XIRP2: variants seen among roughly 807,000 people sequenced by gnomAD.
The protein encoded by XIRP2 is xin actin-binding repeat-containing protein 2.
Under a neutral mutation model 277.0 loss-of-function variants are expected in XIRP2, and 236 were observed. The ratio of observed to expected loss-of-function variants is 0.85; its 90% CI spans 0.77 to 0.95. XIRP2 has a LOEUF of 0.95. XIRP2 is among the 40% of genes least tolerant of loss of function. XIRP2 has a pLI of 0.00. For missense variants in XIRP2, 4,640 were observed against 4,157.5 expected, an observed-to-expected ratio of 1.12 and a Z score of -3.19; for synonymous variants, 1,490 against 1,416.5, an observed-to-expected ratio of 1.05 and a Z score of -1.17.
chr2:167,240,062 A>C, intron 6 of XIRP2, 97 bp downstream of exon 6: 1 of 1,035,202 alleles, frequency 9.7e-7, no homozygotes, highest in Non-Finnish European at 1.4e-6. Context: ...TCACTCATGT[A>C]TCTAGTATCA....
chr2:167,250,813 C>T lies in XIRP2; in HGVS notation c.9421C>T (p.Leu3141Phe). ...AACAGAAAACCCTACTAAGAACGAG[C>T]TTTCTCAGTCCCCTAAAAAGGACAG... is the stretch of plus-strand genomic sequence containing the variant. ...RRTENPTKNE[L>F]SQSPKKDSYV... Residue 3141 changes from leucine (L) to phenylalanine (F), a missense_variant, in exon 9 of 11, where the codon CTT becomes TTT. Physicochemically the swap from Leu to Phe is conservative, Grantham distance 22. Coordinates refer to ENST00000409195, the MANE Select transcript of XIRP2 (RefSeq NM_152381.6). 1.9e-6 allele frequency: 3 copies of T among 1,613,468 alleles called. No individual in the cohort carries two copies. Among genetic ancestry groups the T allele is most frequent in the Non-Finnish European group, 2.5e-6 (3 of 1,179,718 alleles).
chr2:166,957,323 T>A (rs980319510), intron 2 of XIRP2, among the ~76,000 whole-genome samples: 1 of 151,830 alleles, frequency 6.6e-6, no homozygotes, highest in East Asian at 1.9e-4. Flanking sequence ...CTTTTCTGAT[T>A]AAAATAATTT....
chr2:167,166,845 A>G (rs1692536946), intron 3 of XIRP2, among the ~76,000 whole-genome samples: 1 of 152,150 alleles, frequency 6.6e-6, no homozygotes, highest in African/African-American at 2.4e-5. Context: ...GGAGGGACAA[A>G]CATCCAAATT....
At chr2:167,092,905 A>T (rs1321388766) in intron 2 of XIRP2, among the ~76,000 whole-genome samples, 1 of 152,154 alleles carries the variant, frequency 6.6e-6, no homozygotes, top group Non-Finnish European at 1.5e-5. Context: ...CTGCAGGAAC[A>T]AATTATGTCA....
rs768703097 is a variant in XIRP2 at position 167,136,070 on chromosome 2, T to A, written c.562+8T>A. The A allele has an allele frequency of 5.9e-5, 94 of 1,589,824 alleles. No individual in the cohort carries two copies. Among genetic ancestry groups the A allele is most frequent in the Non-Finnish European group, 8.0e-5 (94 of 1,170,598 alleles). ...ACAGCCGCATCTTTGAAGGTTAGCA[T>A]AACATTTTGATATGCTTTCTTGACA... On this transcript the variant is annotated splice_region_variant and intron_variant, in intron 3 of 10. Coordinates refer to ENST00000409195, the MANE Select transcript of XIRP2 (RefSeq NM_152381.6).
In XIRP2 at chr2:167,242,920, A is replaced by G; in HGVS notation, c.1528A>G (p.Arg510Gly). The change falls in exon 9 of 11, where the codon AGA (arginine) becomes GGA (glycine). Residue 510 changes from arginine to glycine, a missense_variant. Arg to Gly is a moderately radical substitution (Grantham distance 125). Transcript: ENST00000409195. ...ATATAAACACATCCATCCTGAGTTAAGAAAAAACTTAGAAAAAGATTATAT... is the reference window on the plus strand; with the variant it reads ...ATATAAACACATCCATCCTGAGTTAGGAAAAAACTTAGAAAAAGATTATAT... ...RLYKHIHPEL[R>G]KNLEKDYISE... 6.2e-7 allele frequency: 1 copy of G among 1,613,618 alleles called. No homozygotes were observed.
intron 2 of XIRP2, among the ~76,000 whole-genome samples, chr2:167,025,226 T>A (rs1688117369): frequency 6.6e-6 from 1 of 152,236 alleles, no homozygotes; most frequent in Non-Finnish European, 1.5e-5. Flanking sequence ...TTCTAGATTT[T>A]CTAGTTTATT....
chr2:167,006,990 AC>A lies in XIRP2; in HGVS notation c.408+103103del, dbSNP rs1687519613. Among the ~76,000 whole-genome samples the A allele has an allele frequency of 3.3e-5, 5 of 151,788 alleles. No homozygotes were observed. In the South Asian group the frequency reaches 1.0e-3, roughly 31 times the overall value. On this transcript the variant is annotated intron_variant, in intron 2 of 10. Coordinates refer to ENST00000409195, the MANE Select transcript of XIRP2 (RefSeq NM_152381.6). ...GACTTCAATGGATTGCAGAATTAAA[AC>A]CCTCAGATATACCATACTAAAGGAA...
chr2:167,179,224 C>T (rs1300879284), intron 3 of XIRP2, among the ~76,000 whole-genome samples: 16 of 151,768 alleles, frequency 1.1e-4, no homozygotes, highest in Admixed American at 2.6e-4. Flanking sequence ...ATAAGCTTCC[C>T]GTTCTTTACT....
At chr2:166,985,196 A>C (rs1433164726) in intron 2 of XIRP2, among the ~76,000 whole-genome samples, 1 of 152,158 alleles carries the variant, frequency 6.6e-6, no homozygotes, top group Admixed American at 6.5e-5. Context: ...AATGGAAATC[A>C]ATTAGAATAG....
intron 2 of XIRP2, among the ~76,000 whole-genome samples, chr2:167,051,255 C>T (rs1020265404): frequency 2.0e-5 from 3 of 152,120 alleles, no homozygotes; most frequent in Non-Finnish European, 4.4e-5. Flanking sequence ...TTGTTTGTGT[C>T]TTTGTGCAGC....
chr2:166,900,716 G>A (rs953298308), intron 1 of XIRP2, among the ~76,000 whole-genome samples: 3 of 152,092 alleles, frequency 2.0e-5, no homozygotes, highest in African/African-American at 7.2e-5. Flanking sequence ...GGAAAGTTGG[G>A]AGGCCCCTCT....
At chr2:167,187,151 G>T (rs1693178413) in intron 3 of XIRP2, 1 of 683,716 alleles carries the variant, frequency 1.5e-6, no homozygotes, top group African/African-American at 1.9e-5. Flanking sequence ...TTGGCTGGTG[G>T]TCGTGGCTGT....
chr2:167,240,850 G>A (rs1695045297), intron 7 of XIRP2, 114 bp downstream of exon 7: 7 of 892,468 alleles, frequency 7.8e-6, no homozygotes, highest in Non-Finnish European at 1.3e-5. Flanking sequence ...TAGTAACTAT[G>A]ACTCATGGTT....
intron 3 of XIRP2, among the ~76,000 whole-genome samples, chr2:167,157,571 C>T (rs1377494684): frequency 6.6e-6 from 1 of 152,028 alleles, no homozygotes; most frequent in South Asian, 2.1e-4. Context: ...AATAGATATA[C>T]ACACCACACT....
Position 167,250,908 on chromosome 2 carries a change from T to G in XIRP2, c.9516T>G (p.Pro3172=). 1 of 1,613,030 alleles carries G rather than the reference T, an allele frequency of 6.2e-7. No individual in the cohort carries two copies. Among genetic ancestry groups the G allele is most frequent in the Non-Finnish European group, 8.5e-7 (1 of 1,179,640 alleles). The change falls in exon 9 of 11, where the codon CCT becomes CCG. Residue 3172 remains proline (P), a synonymous_variant. Transcript: ENST00000409195. Reference sequence around the variant, plus strand: ...AAATTCACAGAGCAAACACTTCCCCTTCTCCACCCAGGAGTCGCTCTGAAC... The same window carrying G: ...AAATTCACAGAGCAAACACTTCCCCGTCTCCACCCAGGAGTCGCTCTGAAC... ...KSEIHRANTS[P]SPPRSRSEQL...
chr2:167,237,006 T>C (rs1211808601), intron 5 of XIRP2, among the ~76,000 whole-genome samples: 1 of 152,122 alleles, frequency 6.6e-6, no homozygotes, highest in Admixed American at 6.6e-5. Flanking sequence ...AAGGAATATT[T>C]TATGTAAGTT....
At chr2:167,147,545 A>G (rs968203526) in intron 3 of XIRP2, among the ~76,000 whole-genome samples, 5 of 152,212 alleles carry the variant, frequency 3.3e-5, no homozygotes, top group Non-Finnish European at 7.3e-5. Context: ...ATTTGTGTGA[A>G]CAACCTCCAG....
At chr2:166,892,608 G>C (rs1352433560) in intron 1 of XIRP2, among the ~76,000 whole-genome samples, 1 of 151,968 alleles carries the variant, frequency 6.6e-6, no homozygotes, top group Admixed American at 6.6e-5. Context: ...CTGAGGAGAG[G>C]CTTCCTGTGA....
Sources: gnomAD v4.1 joint callset for allele counts (sites outside exome capture counted in the v4.1 genomes callset) on GRCh38, gnomAD v4.1.1 for gene constraint, MANE v1.5 for transcripts, NCBI Gene and HGNC (gene_info 2026-07-23, HGNC 2026-07-21) for gene names.